Variants in DCUN1D2 observed in about 807,000 individuals in gnomAD.
DCUN1D2 encodes DCN1-like protein 2.
Under a neutral mutation model 30.9 loss-of-function variants are expected in DCUN1D2, and 29 were observed. The observed-to-expected ratio is 0.94, with a 90% CI of 0.70 to 1.28. The LOEUF (loss-of-function observed/expected upper bound fraction) is 1.28, where lower values mean the gene tolerates loss of function less well. Ranked by LOEUF, DCUN1D2 falls within the 50% of genes most tolerant of loss-of-function variation. The pLI, the probability that DCUN1D2 is intolerant of heterozygous loss-of-function variation, is 0.00. For synonymous variants in DCUN1D2, 121 were observed against 115.3 expected (o/e 1.05, Z -0.32); for missense variants, 325 against 316.9 (o/e 1.03, Z -0.19).
intron 4 of DCUN1D2, among the ~76,000 whole-genome samples, chr13:113,468,576 G>C (rs1178103052): frequency 1.3e-5 from 2 of 152,162 alleles, no homozygotes; most frequent in Non-Finnish European, 2.9e-5. Flanking sequence ...AAGGACTCCT[G>C]ACTGGTTTAA....
At chr13:113,469,895 A>G (rs1054106716) in intron 4 of DCUN1D2, among the ~76,000 whole-genome samples, 6 of 152,184 alleles carry the variant, frequency 3.9e-5, no homozygotes, top group Admixed American at 1.3e-4. Flanking sequence ...AAAATAGGCT[A>G]AAGGACATTA....
Position 113,456,473 on chromosome 13 carries a change from G to A in DCUN1D2, c.*1556C>T, listed in dbSNP as rs539678215. 6.0e-5 allele frequency: 24 copies of A among 398,292 alleles called. No individual in the cohort carries two copies. In the South Asian group the frequency reaches 1.2e-3, roughly 21 times the overall value. 24.7% of individuals were successfully genotyped at this position (398,292 alleles called of 1,614,324 possible). A position where few individuals can be genotyped will look rare whatever the true frequency, so the allele number is the denominator to read the frequency against. On this transcript the variant is annotated 3_prime_UTR_variant, in exon 7 of 7. Transcript: ENST00000478244. ...TGTCTGGGCCATGCTCTCTCACACC[G>A]CAGCTAGGTCATCTGCGGCGACTCT...
At chr13:113,472,276 T>A (rs1007094786) in intron 4 of DCUN1D2, among the ~76,000 whole-genome samples, 19 of 151,380 alleles carry the variant, frequency 1.3e-4, no homozygotes, top group Admixed American at 1.2e-3. Flanking sequence ...TTTAGAAGCA[T>A]CCAAATGAAC....
At chr13:113,482,503 A>G (rs896450358) in intron 2 of DCUN1D2, among the ~76,000 whole-genome samples, 8 of 152,230 alleles carry the variant, frequency 5.3e-5, no homozygotes, top group East Asian at 1.9e-4. Flanking sequence ...GGGAACTACA[A>G]TAAGTACAAA....
intron 2 of DCUN1D2, among the ~76,000 whole-genome samples, chr13:113,482,275 T>G (rs1384251380): frequency 6.6e-6 from 1 of 152,204 alleles, no homozygotes; most frequent in Non-Finnish European, 1.5e-5. Flanking sequence ...ATGAATAAAG[T>G]TAAATAATAA....
rs142957127 is a variant in DCUN1D2 at position 113,487,041 on chromosome 13, C to G, written c.4-2985G>C. On this transcript the variant is annotated intron_variant, in intron 1 of 6. Transcript: ENST00000478244. ...CACTACATTATTTCCTGAAACTGAG[C>G]TTTTGAAAAGAACTAAACAAAAAAT... Among the ~76,000 whole-genome samples the G allele has an allele frequency of 2.8e-3, 434 of 152,326 alleles. 1 individual carries two copies. Among genetic ancestry groups the G allele is most frequent in the Non-Finnish European group, 5.0e-3 (339 of 68,018 alleles).
chr13:113,487,128 T>C (rs1176753755), intron 1 of DCUN1D2, among the ~76,000 whole-genome samples: 2 of 152,250 alleles, frequency 1.3e-5, no homozygotes. Context: ...CCATAGTCTC[T>C]GACCGTAAGC....
In DCUN1D2 at chr13:113,490,509, TCGCGGGCC is replaced by T; in HGVS notation, c.3+150_3+157del. 1.2e-6 allele frequency: 1 copy of T among 803,260 alleles called. No homozygotes were observed. Among genetic ancestry groups the T allele is most frequent in the South Asian group, 3.1e-5 (1 of 32,166 alleles). The allele number at this position is 803,260 out of a possible 1,614,324, so 49.8% of individuals were successfully genotyped here. A position where few individuals can be genotyped will look rare whatever the true frequency, so the allele number is the denominator to read the frequency against. On this transcript the variant is annotated intron_variant, in intron 1 of 6. Transcript: ENST00000478244. This position sits in a 1 kb window ranked among gnomAD's most constrained non-coding sequence, Gnocchi z 5.2. ...GCGCCTCCGACGCCACCGCTCCGGC[TCGCGGGCC>T]CGCGGCGCGTTCCTCCCTCGGATCC...
intron 1 of DCUN1D2, among the ~76,000 whole-genome samples, chr13:113,487,339 T>C (rs1191506875): frequency 6.6e-6 from 1 of 152,224 alleles, no homozygotes; most frequent in Non-Finnish European, 1.5e-5. Context: ...GCCATGGTTA[T>C]ACAACAACAT....
At chr13:113,483,532 C>T (rs138193616) in intron 2 of DCUN1D2, among the ~76,000 whole-genome samples, 147 of 152,328 alleles carry the variant, frequency 9.7e-4, no homozygotes, top group African/African-American at 3.2e-3. Context: ...CCAAGCCTCC[C>T]AGCAGCAGCT....
rs769888025 is a variant in DCUN1D2 at position 113,459,341 on chromosome 13, G to A, written c.671C>T (p.Ala224Val). Residue 224 changes from alanine to valine, a missense_variant, in exon 6 of 7, where the codon GCG becomes GTG. Transcript: ENST00000478244. ...TTCATCGTAGTTAGACATATCATCC[G>A]CAATCATGTTTCCAAAGTCCAGCAG... is the stretch of plus-strand genomic sequence containing the variant. ...NLLLDFGNMI[A>V]DDMSNYDEEG... 1.9e-5 allele frequency: 30 copies of A among 1,599,810 alleles called. No individual in the cohort carries two copies. The highest frequency in any genetic ancestry group is 1.3e-4 in the Admixed American group (8 of 59,960).
intron 2 of DCUN1D2, 96 bp downstream of exon 2, chr13:113,483,744 C>A: frequency 7.9e-7 from 1 of 1,270,208 alleles, no homozygotes; most frequent in Admixed American, 1.9e-5. Context: ...AACGGCAGCC[C>A]GGAGACCTGC....
intron 1 of DCUN1D2, among the ~76,000 whole-genome samples, chr13:113,484,840 G>C (rs535226480): frequency 6.6e-6 from 1 of 152,166 alleles, no homozygotes. Context: ...CCAGCACTTT[G>C]GGAGGCTGAG....
chr13:113,466,795 C>T (rs1007496048), intron 4 of DCUN1D2, among the ~76,000 whole-genome samples: 4 of 144,292 alleles, frequency 2.8e-5, no homozygotes, highest in South Asian at 2.1e-4. Flanking sequence ...TGTCACTGTC[C>T]TTTGGATTTT....
chr13:113,483,698 G>C, intron 2 of DCUN1D2, 142 bp downstream of exon 2: 1 of 736,828 alleles, frequency 1.4e-6, no homozygotes, highest in Non-Finnish European at 2.2e-6. Flanking sequence ...GGATTCTGCA[G>C]CTGAGCGCCG....
rs1453266209 is a variant in DCUN1D2, at chr13:113,455,888, C to G, written c.*2141G>C. The G allele has an allele frequency of 1.8e-5, 4 of 225,636 alleles. No homozygotes were observed. The highest frequency in any genetic ancestry group is 3.4e-5 in the Non-Finnish European group (4 of 117,772). The allele number at this position is 225,636 out of a possible 1,614,324, so 14.0% of individuals were successfully genotyped here. A position where few individuals can be genotyped will look rare whatever the true frequency, so the allele number is the denominator to read the frequency against. Reference sequence around the variant, plus strand: ...GCATGCAGGACTCAAATGGATACAACAGAAGAAAAAAACCCACAATTTTTG... The same window carrying G: ...GCATGCAGGACTCAAATGGATACAAGAGAAGAAAAAAACCCACAATTTTTG... On this transcript the variant is annotated 3_prime_UTR_variant, in exon 7 of 7. Transcript: ENST00000478244.
In DCUN1D2 at chr13:113,488,522, A is replaced by T. The variant is rs1312887923; in HGVS notation, c.3+2145T>A. On this transcript the variant is annotated intron_variant, in intron 1 of 6. Transcript: ENST00000478244. This position sits in a 1 kb window ranked among gnomAD's most constrained non-coding sequence, Gnocchi z 4.3. ...GGAACTGGCATAAAGCTTCTTAGGAAACAAAAAGGCTCGTCAACTAAAAAA... is the reference window on the plus strand; with the variant it reads ...GGAACTGGCATAAAGCTTCTTAGGATACAAAAAGGCTCGTCAACTAAAAAA... 6.6e-6 allele frequency among the ~76,000 whole-genome samples: 1 copy of T among 152,236 alleles called. No individual in the cohort carries two copies. Among genetic ancestry groups the T allele is most frequent in the Non-Finnish European group, 1.5e-5 (1 of 68,040 alleles).
At chr13:113,462,944 T>C in intron 4 of DCUN1D2, 1 of 1,133,984 alleles carries the variant, frequency 8.8e-7, no homozygotes, top group Non-Finnish European at 1.1e-6. Flanking sequence ...TCTAGTTACT[T>C]TGGGTTAGTT....
At chr13:113,459,437 C>G (rs1397963226) in intron 5 of DCUN1D2, 29 bp from the exon 6 acceptor site, 1 of 1,082,486 alleles carries the variant, frequency 9.2e-7, no homozygotes, top group South Asian at 1.3e-5. Flanking sequence ...AAAAAACCCA[C>G]CAGGTTTAAA....
Sources: allele counts gnomAD v4.1 joint callset (sites outside exome capture counted in the v4.1 genomes callset), GRCh38; gene constraint gnomAD v4.1.1; non-coding constraint Gnocchi (gnomAD v3.1); transcripts MANE v1.5; gene names NCBI Gene and HGNC (gene_info 2026-07-23, HGNC 2026-07-21).